ZFPM2: variants seen among roughly 807,000 people sequenced by gnomAD.
ZFPM2 encodes zinc finger protein, FOG family member 2, also known as zinc finger protein ZFPM2.
ZFPM2 carries 20 observed loss-of-function variants against 98.6 expected under a neutral mutation model. The observed-to-expected ratio is 0.20, with a 90% CI of 0.14 to 0.29. The LOEUF is 0.29. ZFPM2 is among the 10% of genes least tolerant of loss of function. ZFPM2 has a pLI of 1.00. For missense variants in ZFPM2, 1,310 were observed against 1,388.6 expected (o/e 0.94, Z 0.90); for synonymous variants, 518 against 502.7 (o/e 1.03, Z -0.41).
chr8:105,742,915 T>A (rs2131036517), intron 5 of ZFPM2, among the ~76,000 whole-genome samples: 1 of 152,106 alleles, frequency 6.6e-6, no homozygotes, highest in East Asian at 1.9e-4. Flanking sequence ...CATATGGGTG[T>A]GATGAATTTT....
intron 3 of ZFPM2, among the ~76,000 whole-genome samples, chr8:105,503,225 A>G (rs1241044967): frequency 6.6e-6 from 1 of 152,236 alleles, no homozygotes; most frequent in Non-Finnish European, 1.5e-5. Context: ...AATTATATTC[A>G]TAAACTCTAT....
At chr8:105,364,248 CTG>C (rs944013288) in intron 1 of ZFPM2, among the ~76,000 whole-genome samples, 81 of 151,754 alleles carry the variant, frequency 5.3e-4, no homozygotes, top group Non-Finnish European at 8.8e-4. Flanking sequence ...AACATACTGT[CTG>C]GAAGTAGGAA....
intron 5 of ZFPM2, among the ~76,000 whole-genome samples, chr8:105,729,895 T>C (rs1051617394): frequency 1.3e-4 from 20 of 151,220 alleles, no homozygotes; most frequent in African/African-American, 4.6e-4. Flanking sequence ...AGTACTTCCA[T>C]GCATACTATA....
chr8:105,441,478 G>GA (rs372660232), intron 2 of ZFPM2, among the ~76,000 whole-genome samples: 1,721 of 71,554 alleles, frequency 0.024, 560 homozygotes, highest in African/African-American at 0.12. Flanking sequence ...AAGAAAGAAA[G>GA]AAAGAAAGAA....
At chr8:105,390,697 ATTCT>A (rs1811090260) in intron 1 of ZFPM2, among the ~76,000 whole-genome samples, 1 of 152,146 alleles carries the variant, frequency 6.6e-6, no homozygotes, top group Non-Finnish European at 1.5e-5. Flanking sequence ...GACCAGACAA[ATTCT>A]TTATTATACA....
chr8:105,487,563 C>T (rs140213670), intron 3 of ZFPM2, among the ~76,000 whole-genome samples: 5 of 152,188 alleles, frequency 3.3e-5, no homozygotes, highest in South Asian at 4.2e-4. Context: ...TATACTTTGA[C>T]GTTGTTGTGC....
chr8:105,673,187 C>CT (rs5893754), intron 5 of ZFPM2, among the ~76,000 whole-genome samples: 51,393 of 87,140 alleles, frequency 0.59, 16,605 homozygotes, highest in South Asian at 0.72. Flanking sequence ...AAATAGCATG[C>CT]TTTTTTTTTT....
chr8:105,700,377 A>G (rs748461084), intron 5 of ZFPM2, among the ~76,000 whole-genome samples: 3 of 152,246 alleles, frequency 2.0e-5, no homozygotes, highest in Non-Finnish European at 4.4e-5. Context: ...ATACGTATGT[A>G]CAAGTCTAGT....
At chr8:105,503,118 A>G (rs1813629297) in intron 3 of ZFPM2, among the ~76,000 whole-genome samples, 1 of 152,208 alleles carries the variant, frequency 6.6e-6, no homozygotes, top group Non-Finnish European at 1.5e-5. Flanking sequence ...AAATAAAGCT[A>G]TCAGTTTTAC....
At chr8:105,503,790 G>A (rs1321599922) in intron 3 of ZFPM2, among the ~76,000 whole-genome samples, 1 of 152,204 alleles carries the variant, frequency 6.6e-6, no homozygotes, top group Non-Finnish European at 1.5e-5. Flanking sequence ...GAAAAGGTAT[G>A]TGGTAGAGGA....
At chr8:105,762,435 G>A (rs1436643185) in intron 5 of ZFPM2, among the ~76,000 whole-genome samples, 1 of 151,862 alleles carries the variant, frequency 6.6e-6, no homozygotes, top group East Asian at 1.9e-4. Context: ...GATTACAGGA[G>A]GGTTCATAGC....
intron 3 of ZFPM2, among the ~76,000 whole-genome samples, chr8:105,490,317 T>G (rs1310283637): frequency 6.6e-6 from 1 of 152,248 alleles, no homozygotes; most frequent in Admixed American, 6.5e-5. Context: ...TCATTTGAGT[T>G]TATTTCTAAA....
chr8:105,717,471 G>A (rs988367775), intron 5 of ZFPM2, among the ~76,000 whole-genome samples: 6 of 151,818 alleles, frequency 4.0e-5, no homozygotes. Context: ...TCTCTGATTG[G>A]TTATTTAGCC....
At position 105,650,067 on chromosome 8, in the gene ZFPM2, A is replaced by G. The variant is rs1200742412; in HGVS notation, c.532+15710A>G. On this transcript the variant is annotated intron_variant, in intron 5 of 7. Coordinates refer to ENST00000407775, the MANE Select transcript of ZFPM2 (RefSeq NM_012082.4). ...ATTGCCTCAATTTCAGAGCCTGTCTATTCAGGGATTCAACTTCTCCGAAGA... is the reference window on the plus strand; with the variant it reads ...ATTGCCTCAATTTCAGAGCCTGTCTGTTCAGGGATTCAACTTCTCCGAAGA... Among the ~76,000 whole-genome samples, 3 of 151,800 alleles carry G rather than the reference A, an allele frequency of 2.0e-5. No homozygotes were observed. The East Asian group carries it at 5.9e-4, about 30-fold the overall frequency.
chr8:105,337,081 A>G (rs1474435215), intron 1 of ZFPM2, among the ~76,000 whole-genome samples: 1 of 151,772 alleles, frequency 6.6e-6, no homozygotes, highest in Non-Finnish European at 1.5e-5. Context: ...ACCTGAACAC[A>G]TAGTTGTTGT....
intron 3 of ZFPM2, among the ~76,000 whole-genome samples, chr8:105,539,575 C>T (rs1234268779): frequency 2.0e-5 from 3 of 152,098 alleles, no homozygotes; most frequent in Non-Finnish European, 4.4e-5. Flanking sequence ...TTTTATGTAG[C>T]GTCGTGACTA....
At chr8:105,379,547 A>G (rs976749081) in intron 1 of ZFPM2, among the ~76,000 whole-genome samples, 1 of 152,164 alleles carries the variant, frequency 6.6e-6, no homozygotes, top group African/African-American at 2.4e-5. Flanking sequence ...AGAGGTCTGG[A>G]GTTTGAGACC....
At chr8:105,387,386 CGCTCGTCGGGGAG>C (rs1002395671) in intron 1 of ZFPM2, 19 of 158,962 alleles carry the variant, frequency 1.2e-4, no homozygotes, top group African/African-American at 3.6e-4. Context: ...CAGGCGGCAG[CGCTCGTCGGGGAG>C]GCTCCGGCTG....
chr8:105,656,616 C>T (rs959536606), intron 5 of ZFPM2, among the ~76,000 whole-genome samples: 1 of 152,130 alleles, frequency 6.6e-6, no homozygotes, highest in African/African-American at 2.4e-5. Context: ...AAGGCCGTGA[C>T]TCTTAATGGG....
Sources: gnomAD v4.1 joint callset for allele counts (sites outside exome capture counted in the v4.1 genomes callset) on GRCh38, gnomAD v4.1.1 for gene constraint, MANE v1.5 for transcripts, NCBI Gene and HGNC (gene_info 2026-07-23, HGNC 2026-07-21) for gene names.